The following CAD variants were observed in gnomAD, a reference collection of about 807,000 sequenced individuals.
The protein encoded by CAD is multifunctional protein CAD.
Under a neutral mutation model 237.2 loss-of-function variants are expected in CAD, and 81 were observed. The observed-to-expected ratio is 0.34, with a 90% confidence interval of 0.29 to 0.41. The LOEUF is 0.41. CAD is among the 10% of genes least tolerant of loss of function. CAD has a pLI of 1.00. For synonymous variants in CAD, 1,196 were observed against 1,162.8 expected, an observed-to-expected ratio of 1.03 and a Z score of -0.58; for missense variants, 2,181 against 2,951.7, an observed-to-expected ratio of 0.74 and a Z score of 6.05.
At chr2:27,224,317 C>T in intron 8 of CAD, 28 bp from the exon 9 acceptor site, 1 of 1,613,600 alleles carries the variant, frequency 6.2e-7, no homozygotes, top group South Asian at 1.1e-5. Context: ...TCAGCTCTAA[C>T]ATTCTACGAC....
At position 27,242,326 on chromosome 2, in the gene CAD, C is replaced by T. The variant is rs779865405; in HGVS notation, c.6121C>T (p.Pro2041Ser). Reference protein sequence around the residue: ...VELAAKHCRRPVINAGDGVGE... With the variant: ...VELAAKHCRRSVINAGDGVGE... ...GCTGGCCGCCAAGCACTGCCGGAGG[C>T]CAGTGATCAATGCTGGGGATGGGGT... The change falls in exon 40 of 44, where the codon CCA becomes TCA. Residue 2041 changes from proline (P) to serine (S), a missense_variant. Transcript: ENST00000264705. The surrounding 1 kb of genome is among the most constrained non-coding windows in gnomAD (Gnocchi z 6.4). 1 of 1,613,324 alleles carries T rather than the reference C, an allele frequency of 6.2e-7. No homozygotes were observed. The highest frequency in any genetic ancestry group is 1.3e-5 in the African/African-American group (1 of 74,918).
chr2:27,231,298 GC>G (rs1558535758), intron 15 of CAD, among the ~76,000 whole-genome samples, 169 bp from the exon 16 acceptor site: 1 of 152,172 alleles, frequency 6.6e-6, no homozygotes, highest in Non-Finnish European at 1.5e-5. Context: ...GAGCCACTGC[GC>G]CCGGCCATTA....
At position 27,237,521 on chromosome 2, in the gene CAD, C is replaced by T. The variant is rs773059842; in HGVS notation, c.4539C>T (p.Ala1513=). The T allele has an allele frequency of 6.2e-7, 1 of 1,613,802 alleles. No homozygotes were observed. The highest frequency in any genetic ancestry group is 1.1e-5 in the South Asian group (1 of 91,058). The change falls in exon 28 of 44, where the codon GCC becomes GCT. Residue 1513 remains alanine, a synonymous_variant. Coordinates refer to ENST00000264705, the MANE Select transcript of CAD (RefSeq NM_004341.5). The surrounding 1 kb of genome is among the most constrained non-coding windows in gnomAD (Gnocchi z 4.0). Reference sequence around the variant, plus strand: ...ATACCCGGCCCCCCATCATTGACGCCCCTGCTCTGGCCCTGGCCCAGAAGG... The same window carrying T: ...ATACCCGGCCCCCCATCATTGACGCTCCTGCTCTGGCCCTGGCCCAGAAGG... ...MPNTRPPIID[A]PALALAQKLA...
intron 14 of CAD, 59 bp from the exon 15 acceptor site, chr2:27,226,773 A>G (rs998743165): frequency 4.4e-6 from 7 of 1,607,308 alleles, no homozygotes; most frequent in Non-Finnish European, 6.0e-6. Flanking sequence ...AGCTATCCGG[A>G]AGCTCACCCT....
chr2:27,222,728 A>T, intron 5 of CAD, 68 bp downstream of exon 5: 2 of 1,591,662 alleles, frequency 1.3e-6, no homozygotes, highest in Non-Finnish European at 1.7e-6. Context: ...CCCTTGGTCC[A>T]ATTGCTAAAA....
rs375286375 is a variant in CAD at position 27,241,020 on chromosome 2, C to T, written c.5639-38C>T. ...CTGATCTGGCCTTGGTAGGAGGAAC[C>T]CTCTGACCAGCCTTTTCTGCCCCAT... On this transcript the variant is annotated intron_variant, in intron 36 of 43. Transcript: ENST00000264705. This position sits in a 1 kb window ranked among gnomAD's most constrained non-coding sequence, Gnocchi z 4.6. 446 of 1,613,552 alleles carry T rather than the reference C, an allele frequency of 2.8e-4. No individual in the cohort carries two copies. The highest frequency in any genetic ancestry group is 3.6e-4 in the Non-Finnish European group (429 of 1,179,778).
At chr2:27,234,836 T>A in intron 23 of CAD, 151 bp downstream of exon 23, 1 of 776,872 alleles carries the variant, frequency 1.3e-6, no homozygotes, top group Non-Finnish European at 2.1e-6. Context: ...CCTTAAGAGC[T>A]TACTTTATGG....
intron 43 of CAD, 45 bp from the exon 44 acceptor site, chr2:27,243,371 G>A (rs1208664850): frequency 6.2e-7 from 1 of 1,605,516 alleles, no homozygotes; most frequent in East Asian, 2.2e-5. Flanking sequence ...GCCATCCATG[G>A]GCTGCACGAT....
chr2:27,226,251 G>A lies in CAD; in HGVS notation c.1963G>A (p.Val655Met). The change falls in exon 13 of 44, where the codon GTG becomes ATG. Residue 655 changes from valine (V) to methionine (M), a missense_variant. By Grantham distance (21) the Val-to-Met change is conservative. Transcript: ENST00000264705. The part of the protein sequence containing the change: ...YQLLRQTAIK[V>M]TQHLGIVGEC... ...GCTCCTGAGGCAGACAGCTATCAAGGTGACCCAGCACCTGGGAATTGTTGG... is the reference window on the plus strand; with the variant it reads ...GCTCCTGAGGCAGACAGCTATCAAGATGACCCAGCACCTGGGAATTGTTGG... 1.9e-6 allele frequency: 3 copies of A among 1,614,236 alleles called. No individual in the cohort carries two copies. The highest frequency in any genetic ancestry group is 2.2e-5 in the South Asian group (2 of 91,086).
At chr2:27,234,429 A>G (rs1323159722) in intron 22 of CAD, 89 bp from the exon 23 acceptor site, 12 of 1,345,564 alleles carry the variant, frequency 8.9e-6, no homozygotes, top group Non-Finnish European at 1.3e-5. Context: ...GATCCCCCAG[A>G]GCTGAGGACG....
chr2:27,221,644 A>G (rs890161250), intron 3 of CAD, among the ~76,000 whole-genome samples: 1 of 152,080 alleles, frequency 6.6e-6, no homozygotes, highest in Non-Finnish European at 1.5e-5. Context: ...AAATAGTTCA[A>G]TATCTATGCA....
chr2:27,229,600 G>A (rs907558456), intron 15 of CAD, among the ~76,000 whole-genome samples: 6 of 152,110 alleles, frequency 3.9e-5, no homozygotes, highest in East Asian at 1.9e-4. Flanking sequence ...GAAATGGGCC[G>A]GGCGCGGTGG....
chr2:27,237,896 A>G lies in CAD; in HGVS notation c.4728+14A>G, dbSNP rs958308514. 2 of 1,594,674 alleles carry G rather than the reference A, an allele frequency of 1.3e-6. No homozygotes were observed. The highest frequency in any genetic ancestry group is 1.7e-4 in the Middle Eastern group (1 of 5,968). On this transcript the variant is annotated intron_variant, in intron 29 of 43. Coordinates refer to ENST00000264705, the MANE Select transcript of CAD (RefSeq NM_004341.5). The surrounding 1 kb of genome is among the most constrained non-coding windows in gnomAD (Gnocchi z 4.0). ...CAGTGGATGGAGGTAGGGAGTGTGCATGTGGCAGGAGGCCACCACCCAGTG... is the reference window on the plus strand; with the variant it reads ...CAGTGGATGGAGGTAGGGAGTGTGCGTGTGGCAGGAGGCCACCACCCAGTG...
At chr2:27,221,478 C>G in intron 3 of CAD, 131 bp downstream of exon 3, 1 of 877,594 alleles carries the variant, frequency 1.1e-6, no homozygotes, top group Non-Finnish European at 1.5e-6. Flanking sequence ...TGGAGTTGGG[C>G]TGGGAGAAAG....
rs752692360 is a variant in CAD, at chr2:27,241,153, C to T, written c.5734C>T (p.Pro1912Ser). Reference protein sequence around the residue: ...QNLGTPGLLHPQTSPLLHSLV... With the variant: ...QNLGTPGLLHSQTSPLLHSLV... ...CCTGGGGACCCCTGGCTTGCTGCACCCCCAGACCTCACCCCTGCTGCACTC... is the reference window on the plus strand; with the variant it reads ...CCTGGGGACCCCTGGCTTGCTGCACTCCCAGACCTCACCCCTGCTGCACTC... Residue 1912 changes from proline (P) to serine (S), a missense_variant, in exon 37 of 44, where the codon CCC becomes TCC. Coordinates refer to ENST00000264705, the MANE Select transcript of CAD (RefSeq NM_004341.5). The surrounding 1 kb of genome is among the most constrained non-coding windows in gnomAD (Gnocchi z 4.6). The T allele has an allele frequency of 1.1e-5, 17 of 1,612,836 alleles. No individual in the cohort carries two copies. In the East Asian group the frequency reaches 3.8e-4, roughly 36 times the overall value.
rs764679967 is a variant in CAD, at chr2:27,226,974, G to A, written c.2287+12G>A. The A allele has an allele frequency of 4.0e-5, 65 of 1,613,772 alleles. 1 individual carries two copies. The Admixed American group carries it at 7.7e-4, about 19-fold the overall frequency. On this transcript the variant is annotated intron_variant, in intron 15 of 43. Transcript: ENST00000264705. ...CATGAAGAGCGTTGGTGAGACTCAT[G>A]CCCTGGGCACCCCCATGGGGCCCCA...
At position 27,236,532 on chromosome 2, in the gene CAD, G is replaced by A. The variant is rs1451057259; in HGVS notation, c.4314+9G>A. 1 of 1,609,452 alleles carries A rather than the reference G, an allele frequency of 6.2e-7. No individual in the cohort carries two copies. Among genetic ancestry groups the A allele is most frequent in the South Asian group, 1.1e-5 (1 of 91,062 alleles). ...CCAAACTCTTTGTGGAGGTAACTGA[G>A]ACCCATGTGCTGGGAGGGAGACTGC... is the stretch of plus-strand genomic sequence containing the variant. On this transcript the variant is annotated intron_variant, in intron 26 of 43. Transcript: ENST00000264705. This position sits in a 1 kb window ranked among gnomAD's most constrained non-coding sequence, Gnocchi z 4.1.
At chr2:27,230,229 T>C (rs1258488962) in intron 15 of CAD, among the ~76,000 whole-genome samples, 1 of 151,614 alleles carries the variant, frequency 6.6e-6, no homozygotes, top group Non-Finnish European at 1.5e-5. Context: ...TGAGAGAAAC[T>C]CCGTCTCAAG....
rs531016906 is a variant in CAD at position 27,218,137 on chromosome 2, G to T, written c.222+121G>T. The T allele has an allele frequency of 1.5e-4, 121 of 821,802 alleles. 4 individuals are homozygous for T. The South Asian group carries it at 2.3e-3, about 16-fold the overall frequency. 50.9% of individuals were successfully genotyped at this position (821,802 alleles called of 1,614,324 possible). On this transcript the variant is annotated intron_variant, in intron 2 of 43. Transcript: ENST00000264705. ...TGCAGAAAACATACCCACTGAAGTAGTAAAGTCAAGGACTAAGATCACTAG... is the reference window on the plus strand; with the variant it reads ...TGCAGAAAACATACCCACTGAAGTATTAAAGTCAAGGACTAAGATCACTAG...
Sources: gnomAD v4.1 joint callset for allele counts (sites outside exome capture counted in the v4.1 genomes callset) on GRCh38, gnomAD v4.1.1 for gene constraint, Gnocchi (gnomAD v3.1) non-coding constraint, MANE v1.5 for transcripts, NCBI Gene and HGNC (gene_info 2026-07-23, HGNC 2026-07-21) for gene names.